The following LNPK variants were observed in gnomAD, a reference collection of about 807,000 sequenced individuals.
LNPK encodes the protein lunapark, ER junction formation factor.
In LNPK, 29 loss-of-function variants were observed where a neutral mutation model predicts 55.2. That is an observed-to-expected ratio of 0.53 (90% confidence interval 0.39 to 0.72). The LOEUF (loss-of-function observed/expected upper bound fraction) is 0.72, where lower values mean the gene tolerates loss of function less well. Among genes scored for constraint, LNPK ranks in the 30% least tolerant of loss-of-function variants. The pLI, the probability that LNPK is intolerant of heterozygous loss-of-function variation, is 0.00. For missense variants in LNPK, 467 were observed against 494.8 expected, an observed-to-expected ratio of 0.94 and a Z score of 0.53; for synonymous variants, 162 against 168.2, an observed-to-expected ratio of 0.96 and a Z score of 0.29.
At chr2:175,962,542 C>A (rs1438062265) in intron 8 of LNPK, among the ~76,000 whole-genome samples, 1 of 152,174 alleles carries the variant, frequency 6.6e-6, no homozygotes, top group Non-Finnish European at 1.5e-5. Flanking sequence ...ACACCTTATA[C>A]AAAAATTAAT....
intron 3 of LNPK, among the ~76,000 whole-genome samples, chr2:175,992,702 C>T (rs1039581545): frequency 2.6e-5 from 4 of 151,978 alleles, no homozygotes; most frequent in Admixed American, 6.5e-5. Flanking sequence ...AAATTGGTAT[C>T]GGCAATAATA....
intron 6 of LNPK, among the ~76,000 whole-genome samples, chr2:175,966,787 A>G (rs920534916): frequency 3.9e-5 from 6 of 152,208 alleles, no homozygotes; most frequent in African/African-American, 1.4e-4. Flanking sequence ...TTCAACGCAC[A>G]TTTCTATTCT....
chr2:175,970,219 C>T (rs1686590473), intron 6 of LNPK, among the ~76,000 whole-genome samples: 2 of 152,150 alleles, frequency 1.3e-5, no homozygotes, highest in Admixed American at 6.5e-5. Flanking sequence ...CTTTCCAACA[C>T]ATCTGAAGGG....
At chr2:175,976,573 C>G (rs1280039718) in intron 5 of LNPK, among the ~76,000 whole-genome samples, 1 of 152,124 alleles carries the variant, frequency 6.6e-6, no homozygotes, top group Non-Finnish European at 1.5e-5. Flanking sequence ...GATTGCTCTC[C>G]CTAATGAAGT....
chr2:175,973,424 A>G (rs1686750019), intron 5 of LNPK, among the ~76,000 whole-genome samples: 1 of 152,228 alleles, frequency 6.6e-6, no homozygotes, highest in East Asian at 1.9e-4. Context: ...ACAAAATGAC[A>G]AATTCAAGTA....
chr2:175,955,271 C>A (rs1685635239), intron 8 of LNPK, among the ~76,000 whole-genome samples: 1 of 152,148 alleles, frequency 6.6e-6, no homozygotes, highest in Non-Finnish European at 1.5e-5. Flanking sequence ...GTCTCCTATG[C>A]TCCCTGGTCT....
In LNPK at chr2:175,927,643, G is replaced by A. The variant is rs1288720647; in HGVS notation, c.*2324C>T. On this transcript the variant is annotated 3_prime_UTR_variant, in exon 13 of 13. Coordinates refer to ENST00000272748, the MANE Select transcript of LNPK (RefSeq NM_030650.3). ...GCTCAGGACATAGAAGAATTTAGAT[G>A]ACCCACTGAACAATTGTAAGCAAGG... 2 of 152,280 alleles carry A rather than the reference G, an allele frequency of 1.3e-5. No homozygotes were observed. Among genetic ancestry groups the A allele is most frequent in the East Asian group, 1.9e-4 (1 of 5,180 alleles). The allele number at this position is 152,280 out of a possible 1,614,324, so 9.4% of individuals were successfully genotyped here.
At chr2:175,952,015 T>C (rs1396076655) in intron 8 of LNPK, among the ~76,000 whole-genome samples, 2 of 152,108 alleles carry the variant, frequency 1.3e-5, no homozygotes, top group African/African-American at 4.8e-5. Context: ...TCATGTTTGT[T>C]GCCCATTTGT....
At chr2:175,963,065 G>T (rs1404742103) in intron 8 of LNPK, among the ~76,000 whole-genome samples, 1 of 147,546 alleles carries the variant, frequency 6.8e-6, no homozygotes, top group East Asian at 2.0e-4. Context: ...ACAGGTGCTG[G>T]AGAGGATGTG....
rs377250995 is a variant in LNPK, at chr2:175,939,526, T to G, written c.812+26A>C. 2.9e-5 allele frequency: 36 copies of G among 1,250,778 alleles called. No homozygotes were observed. The African/African-American group carries it at 5.2e-4, about 18-fold the overall frequency. 77.5% of individuals were successfully genotyped at this position (1,250,778 alleles called of 1,614,324 possible). On this transcript the variant is annotated intron_variant, in intron 10 of 12. Transcript: ENST00000272748. ...ACACACATCCTGTTTTCATTTTCATTTATCTACCACCTTAGTAAATATTAC... is the reference window on the plus strand; with the variant it reads ...ACACACATCCTGTTTTCATTTTCATGTATCTACCACCTTAGTAAATATTAC...
rs1013767426 is a variant in LNPK at position 175,925,422 on chromosome 2, G to C, written c.*4545C>G. 2.0e-5 allele frequency: 3 copies of C among 152,156 alleles called. No homozygotes were observed. Among genetic ancestry groups the C allele is most frequent in the Non-Finnish European group, 2.9e-5 (2 of 68,054 alleles). 9.4% of individuals were successfully genotyped at this position (152,156 alleles called of 1,614,324 possible). A position where few individuals can be genotyped will look rare whatever the true frequency, so the allele number is the denominator to read the frequency against. On this transcript the variant is annotated 3_prime_UTR_variant, in exon 13 of 13. Transcript: ENST00000272748. The stretch of plus-strand genomic sequence containing the variant: ...TCAGGCAGAGGAAAAGCTCAAGAAG[G>C]CTGGGAGATGAGAAAAGACTGCATA...
At chr2:175,980,175 C>A (rs563965397) in intron 4 of LNPK, among the ~76,000 whole-genome samples, 15 of 152,214 alleles carry the variant, frequency 9.9e-5, no homozygotes, top group African/African-American at 3.1e-4. Context: ...AATCTATGCA[C>A]CCCGCAAAAG....
intron 8 of LNPK, among the ~76,000 whole-genome samples, chr2:175,960,575 T>A (rs1183880494): frequency 6.6e-6 from 1 of 152,064 alleles, no homozygotes; most frequent in East Asian, 1.9e-4. Flanking sequence ...TAGAGGGAAA[T>A]TTATAGCACT....
chr2:175,946,811 T>C (rs773015534), intron 9 of LNPK, among the ~76,000 whole-genome samples: 2 of 152,144 alleles, frequency 1.3e-5, no homozygotes, highest in Non-Finnish European at 2.9e-5. Context: ...ATGTGATCTG[T>C]GCTAAAGCAG....
intron 8 of LNPK, among the ~76,000 whole-genome samples, chr2:175,963,710 A>AC (rs1686187835): frequency 6.6e-6 from 1 of 151,744 alleles, no homozygotes; most frequent in Non-Finnish European, 1.5e-5. Flanking sequence ...TAATAAATAA[A>AC]TTAATTAATT....
intron 1 of LNPK, among the ~76,000 whole-genome samples, chr2:176,001,582 A>G (rs1186113732): frequency 6.6e-6 from 1 of 151,966 alleles, no homozygotes; most frequent in Non-Finnish European, 1.5e-5. Context: ...AATAAGGACA[A>G]TGGTTGGAGA....
chr2:175,944,027 T>C (rs569083663), intron 9 of LNPK, among the ~76,000 whole-genome samples: 3 of 152,254 alleles, frequency 2.0e-5, no homozygotes, highest in African/African-American at 2.4e-5. Flanking sequence ...GAAAATACTA[T>C]GTAATCTACA....
rs555266971 is a variant in LNPK at position 175,943,504 on chromosome 2, T to C, written c.707-3847A>G. Among the ~76,000 whole-genome samples the C allele has an allele frequency of 8.5e-5, 13 of 152,122 alleles. 1 individual carries two copies. The East Asian group carries it at 2.5e-3, about 29-fold the overall frequency. The stretch of plus-strand genomic sequence containing the variant: ...CCAATATTCCTAATGAGTATTGATA[T>C]AAACATTTTTAACAAAATATTAGCA... On this transcript the variant is annotated intron_variant, in intron 9 of 12. Coordinates refer to ENST00000272748, the MANE Select transcript of LNPK (RefSeq NM_030650.3).
chr2:175,959,467 CA>C (rs201521166), intron 8 of LNPK, among the ~76,000 whole-genome samples: 20,469 of 152,120 alleles, frequency 0.13, 1,748 homozygotes, highest in Non-Finnish European at 0.2. Context: ...AACTAAGCTT[CA>C]TAAGTGAAGG....
Sources: gnomAD v4.1 joint callset for allele counts (sites outside exome capture counted in the v4.1 genomes callset) on GRCh38, gnomAD v4.1.1 for gene constraint, MANE v1.5 for transcripts, NCBI Gene and HGNC (gene_info 2026-07-23, HGNC 2026-07-21) for gene names.